Variants in NDST3 observed in about 807,000 individuals in gnomAD.
The protein encoded by NDST3 is bifunctional heparan sulfate N-deacetylase/N-sulfotransferase 3.
Under a neutral mutation model 96.1 loss-of-function variants are expected in NDST3, and 58 were observed. The ratio of observed to expected loss-of-function variants is 0.60; its 90% CI spans 0.49 to 0.75. NDST3 has a LOEUF of 0.75. Ranked by LOEUF, NDST3 falls within the 30% of genes least tolerant of loss-of-function variation. The pLI is 0.00. For missense variants in NDST3, 788 were observed against 1,034.2 expected, an observed-to-expected ratio of 0.76 and a Z score of 3.27; for synonymous variants, 333 against 359.7, an observed-to-expected ratio of 0.93 and a Z score of 0.84.
chr4:118,243,914 T>C (rs1024223590), intron 12 of NDST3, among the ~76,000 whole-genome samples: 10 of 152,196 alleles, frequency 6.6e-5, no homozygotes, highest in African/African-American at 2.4e-5. Flanking sequence ...ACATACTATA[T>C]ACAAAGAACC....
chr4:118,117,817 C>A (rs1222945865), intron 4 of NDST3, among the ~76,000 whole-genome samples: 1 of 152,158 alleles, frequency 6.6e-6, no homozygotes, highest in Non-Finnish European at 1.5e-5. Flanking sequence ...CCTCCCTAGC[C>A]TCCCAACCCA....
At chr4:118,066,473 T>C (rs1165361843) in intron 2 of NDST3, among the ~76,000 whole-genome samples, 2 of 37,930 alleles carry the variant, frequency 5.3e-5, no homozygotes, top group African/African-American at 1.2e-4. Context: ...TTATATATGT[T>C]ATATATTATA....
intron 6 of NDST3, among the ~76,000 whole-genome samples, chr4:118,210,906 G>A (rs192096757): frequency 1.3e-4 from 20 of 152,194 alleles, no homozygotes; most frequent in Admixed American, 5.9e-4. Flanking sequence ...GATCTCAGAT[G>A]ATTTTAAACA....
intron 6 of NDST3, among the ~76,000 whole-genome samples, chr4:118,146,949 A>G (rs1310620983): frequency 6.6e-6 from 1 of 152,210 alleles, no homozygotes; most frequent in Non-Finnish European, 1.5e-5. Context: ...AGATCCTACT[A>G]TAGGAAAAGA....
chr4:118,132,534 A>G (rs944728030), intron 4 of NDST3, among the ~76,000 whole-genome samples: 9 of 152,224 alleles, frequency 5.9e-5, no homozygotes, highest in Admixed American at 5.2e-4. Context: ...CAGAGACCCC[A>G]AGAGCCTGCT....
chr4:118,224,121 T>C (rs1414522587), intron 6 of NDST3, among the ~76,000 whole-genome samples: 1 of 152,186 alleles, frequency 6.6e-6, no homozygotes, highest in African/African-American at 2.4e-5. Context: ...TTAAAGGAGA[T>C]GTTTTATATT....
At chr4:118,113,259 C>G (rs1001766977) in intron 3 of NDST3, among the ~76,000 whole-genome samples, 1 of 152,110 alleles carries the variant, frequency 6.6e-6, no homozygotes, top group Non-Finnish European at 1.5e-5. Context: ...ACTCCAAAGG[C>G]TACACTTGTT....
chr4:118,151,419 C>T (rs1384198099), intron 6 of NDST3, among the ~76,000 whole-genome samples: 1 of 151,880 alleles, frequency 6.6e-6, no homozygotes, highest in East Asian at 1.9e-4. Flanking sequence ...TAAAAAACAA[C>T]AACAACAACA....
intron 4 of NDST3, among the ~76,000 whole-genome samples, chr4:118,117,146 A>G (rs1731196490): frequency 6.6e-6 from 1 of 152,220 alleles, no homozygotes; most frequent in Non-Finnish European, 1.5e-5. Flanking sequence ...TTAGTGTTTA[A>G]TCAAATCCAG....
At chr4:118,176,530 C>T (rs1337189259) in intron 6 of NDST3, among the ~76,000 whole-genome samples, 1 of 152,018 alleles carries the variant, frequency 6.6e-6, no homozygotes, top group East Asian at 1.9e-4. Context: ...ATCCATTGCA[C>T]GTGATGAGTT....
chr4:118,254,428 G>C (rs1741982614), intron 13 of NDST3, among the ~76,000 whole-genome samples: 1 of 151,932 alleles, frequency 6.6e-6, no homozygotes, highest in Admixed American at 6.6e-5. Flanking sequence ...GATAATTTAG[G>C]CTTTGGGGAA....
intron 6 of NDST3, among the ~76,000 whole-genome samples, chr4:118,165,930 T>C (rs1735517423): frequency 6.6e-6 from 1 of 151,858 alleles, no homozygotes; most frequent in Non-Finnish European, 1.5e-5. Context: ...GAGGGAAGTT[T>C]ATAGTGATAA....
At chr4:118,213,574 AAT>A (rs33926182) in intron 6 of NDST3, among the ~76,000 whole-genome samples, 9,219 of 150,398 alleles carry the variant, frequency 0.061, 374 homozygotes, top group Non-Finnish European at 0.093. Flanking sequence ...TTAGCCATTA[AAT>A]ATATATATAT....
At chr4:118,172,792 C>T (rs1438953991) in intron 6 of NDST3, among the ~76,000 whole-genome samples, 1 of 151,948 alleles carries the variant, frequency 6.6e-6, no homozygotes, top group Non-Finnish European at 1.5e-5. Context: ...ATGAATCATA[C>T]TAACATTATA....
intron 2 of NDST3, among the ~76,000 whole-genome samples, chr4:118,060,227 A>G (rs1387331486): frequency 6.6e-6 from 1 of 152,038 alleles, no homozygotes; most frequent in Non-Finnish European, 1.5e-5. Flanking sequence ...TGTTCTGAAA[A>G]TTATTGCCTT....
intron 2 of NDST3, among the ~76,000 whole-genome samples, chr4:118,098,565 C>G (rs1407119475): frequency 1.3e-5 from 2 of 152,022 alleles, no homozygotes; most frequent in East Asian, 3.9e-4. Flanking sequence ...GAAAATCATT[C>G]TTCACCGCTG....
intron 6 of NDST3, among the ~76,000 whole-genome samples, chr4:118,146,825 G>A (rs1733983132): frequency 1.3e-5 from 2 of 152,132 alleles, no homozygotes; most frequent in South Asian, 4.1e-4. Flanking sequence ...GGGGGAGGTG[G>A]ACCTAGCAGG....
chr4:118,178,657 T>C (rs1474427616), intron 6 of NDST3, among the ~76,000 whole-genome samples: 1 of 152,034 alleles, frequency 6.6e-6, no homozygotes, highest in East Asian at 1.9e-4. Flanking sequence ...TGTACAAACA[T>C]CTCTTCAAGA....
At chr4:118,048,735 C>G (rs1724909876) in intron 1 of NDST3, among the ~76,000 whole-genome samples, 1 of 152,102 alleles carries the variant, frequency 6.6e-6, no homozygotes, top group Non-Finnish European at 1.5e-5. Flanking sequence ...GAAACAAATT[C>G]TTCTTCACCC....
Sources: gnomAD v4.1 joint callset for allele counts (sites outside exome capture counted in the v4.1 genomes callset) on GRCh38, gnomAD v4.1.1 for gene constraint, MANE v1.5 for transcripts, NCBI Gene and HGNC (gene_info 2026-07-23, HGNC 2026-07-21) for gene names.